WWOX: variants seen among roughly 807,000 people sequenced by gnomAD.
The protein encoded by WWOX is WW domain-containing oxidoreductase.
In WWOX, 69 loss-of-function variants were observed where a neutral mutation model predicts 46.2. The ratio of observed to expected loss-of-function variants is 1.49; its 90% CI spans 1.23 to 1.82. The LOEUF is 1.82. WWOX is among the 40% of genes most tolerant of loss of function. WWOX has a pLI of 0.00. For missense variants in WWOX, 919 were observed against 542.6 expected, an observed-to-expected ratio of 1.69 and a Z score of -6.89; for synonymous variants, 359 against 202.6, an observed-to-expected ratio of 1.77 and a Z score of -6.56.
chr16:78,858,174 A>C lies in WWOX; in HGVS notation c.1057-353434A>C, dbSNP rs1228458056. Among the ~76,000 whole-genome samples the C allele has an allele frequency of 1.5e-4, 11 of 72,374 alleles. No individual in the cohort carries two copies. The South Asian group carries it at 1.9e-3, about 13-fold the overall frequency. 47.5% of individuals were successfully genotyped at this position (72,374 alleles called of 152,430 possible). A position where few individuals can be genotyped will look rare whatever the true frequency, so the allele number is the denominator to read the frequency against. On this transcript the variant is annotated intron_variant, in intron 8 of 8. Transcript: ENST00000566780. ...TGTGTGTGTGTGTGTGTGTGTGTAT[A>C]AATTGGCTGTGCATGATATAAGTTT...
At chr16:78,621,150 C>T (rs2046170780) in intron 8 of WWOX, among the ~76,000 whole-genome samples, 1 of 152,090 alleles carries the variant, frequency 6.6e-6, no homozygotes, top group Non-Finnish European at 1.5e-5. Context: ...GTGCAGAAAC[C>T]AGATGGTTTT....
chr16:78,833,116 A>C (rs11643754), intron 8 of WWOX, among the ~76,000 whole-genome samples: 18,517 of 150,664 alleles, frequency 0.12, 1,167 homozygotes, highest in East Asian at 0.24. Context: ...ATCAGAGATC[A>C]CTGCAGCCTC....
At chr16:78,981,804 C>T (rs1274151667) in intron 8 of WWOX, 2 of 152,322 alleles carry the variant, frequency 1.3e-5, no homozygotes, top group East Asian at 1.9e-4. Context: ...CGAGGAGCAA[C>T]AGAGTGAGGT....
intron 8 of WWOX, among the ~76,000 whole-genome samples, chr16:79,190,493 C>T (rs768334715): frequency 4.6e-5 from 7 of 152,104 alleles, no homozygotes; most frequent in Non-Finnish European, 1.0e-4. Flanking sequence ...ACAGAGAGGC[C>T]CCAAGAGAGA....
intron 4 of WWOX, among the ~76,000 whole-genome samples, chr16:78,156,928 CTCAG>C (rs779245054): frequency 3.9e-5 from 6 of 152,162 alleles, no homozygotes; most frequent in Non-Finnish European, 7.3e-5. Context: ...GAGACTCTGT[CTCAG>C]TCAGTCAATC....
Position 78,382,554 on chromosome 16 carries a change from T to C in WWOX, c.517-4306T>C, listed in dbSNP as rs533926807. On this transcript the variant is annotated intron_variant, in intron 5 of 8. Coordinates refer to ENST00000566780, the MANE Select transcript of WWOX (RefSeq NM_016373.4). ...TTGATGCAGAGGATCTTGTGAGCCA[T>C]GCTAAGGAATTCAGCCCACGTCTTA... 1.3e-4 allele frequency among the ~76,000 whole-genome samples: 20 copies of C among 152,338 alleles called. No individual in the cohort carries two copies. In the South Asian group the frequency reaches 3.5e-3, roughly 27 times the overall value.
intron 8 of WWOX, among the ~76,000 whole-genome samples, chr16:79,108,581 A>T (rs558389615): frequency 6.6e-6 from 1 of 152,236 alleles, no homozygotes; most frequent in African/African-American, 2.4e-5. Flanking sequence ...GGCTATTTTC[A>T]TCATCAAGAA....
At chr16:78,797,651 TATG>T (rs1240872490) in intron 8 of WWOX, among the ~76,000 whole-genome samples, 2 of 152,144 alleles carry the variant, frequency 1.3e-5, no homozygotes, top group Non-Finnish European at 2.9e-5. Flanking sequence ...CTCAAGGAAC[TATG>T]ATAAGTAGCA....
chr16:79,101,067 A>T, intron 8 of WWOX: 1 of 152,808 alleles, frequency 6.5e-6, no homozygotes, highest in Non-Finnish European at 1.5e-5. Flanking sequence ...AGCAAAGACC[A>T]TTTACAGAAG....
intron 8 of WWOX, among the ~76,000 whole-genome samples, chr16:78,770,956 G>A (rs772633791): frequency 6.6e-6 from 1 of 152,228 alleles, no homozygotes; most frequent in Non-Finnish European, 1.5e-5. Flanking sequence ...ACTGTACAAG[G>A]AAGACCTCTC....
intron 8 of WWOX, among the ~76,000 whole-genome samples, chr16:78,848,887 G>A (rs181757674): frequency 4.6e-5 from 7 of 151,888 alleles, no homozygotes; most frequent in Admixed American, 4.6e-4. Context: ...ATTTAGCCCA[G>A]TTTTTATCCT....
intron 5 of WWOX, among the ~76,000 whole-genome samples, chr16:78,238,881 AG>A (rs1257573359): frequency 1.5e-5 from 2 of 137,860 alleles, no homozygotes; most frequent in Non-Finnish European, 3.2e-5. Context: ...GGCCTCCCAA[AG>A]TGCTGGGATT....
At chr16:78,170,494 C>G (rs1230705128) in intron 5 of WWOX, among the ~76,000 whole-genome samples, 1 of 152,166 alleles carries the variant, frequency 6.6e-6, no homozygotes, top group African/African-American at 2.4e-5. Context: ...GCTTACTTTT[C>G]TTAACCTCTC....
chr16:78,540,755 T>G (rs1233436153), intron 8 of WWOX, among the ~76,000 whole-genome samples: 1 of 152,062 alleles, frequency 6.6e-6, no homozygotes, highest in African/African-American at 2.4e-5. Context: ...GACATGATCA[T>G]AACTCATGGT....
intron 8 of WWOX, among the ~76,000 whole-genome samples, chr16:79,009,758 A>G (rs765037890): frequency 6.6e-6 from 1 of 152,038 alleles, no homozygotes; most frequent in Non-Finnish European, 1.5e-5. Context: ...GCACCCATCA[A>G]ATTTTCAAAG....
chr16:79,038,581 CTCTT>C (rs1273460562), intron 8 of WWOX, among the ~76,000 whole-genome samples: 1 of 152,118 alleles, frequency 6.6e-6, no homozygotes, highest in Non-Finnish European at 1.5e-5. Context: ...CAGAGTTTCT[CTCTT>C]GTCACACAGG....
chr16:78,567,428 C>T (rs2044597638), intron 8 of WWOX, among the ~76,000 whole-genome samples: 1 of 151,502 alleles, frequency 6.6e-6, no homozygotes, highest in Admixed American at 6.6e-5. Flanking sequence ...TGGCGGGTGC[C>T]TGTAGTCCCA....
intron 4 of WWOX, among the ~76,000 whole-genome samples, chr16:78,127,395 C>G (rs548814265): frequency 1.3e-5 from 2 of 151,910 alleles, no homozygotes; most frequent in African/African-American, 4.8e-5. Flanking sequence ...TGAATTTGTC[C>G]TAAAATGACC....
In WWOX at chr16:78,795,085, T is replaced by G. The variant is rs371382121; in HGVS notation, c.1056+362333T>G. ...GACGTTGGTGCTTAAGCATATCCTGTTTTCGAGGGTGGTGTTGGTGGTGGA... is the reference window on the plus strand; with the variant it reads ...GACGTTGGTGCTTAAGCATATCCTGGTTTCGAGGGTGGTGTTGGTGGTGGA... On this transcript the variant is annotated intron_variant, in intron 8 of 8. Coordinates refer to ENST00000566780, the MANE Select transcript of WWOX (RefSeq NM_016373.4). Among the ~76,000 whole-genome samples the G allele has an allele frequency of 1.4e-4, 21 of 152,278 alleles. No homozygotes were observed. The East Asian group carries it at 4.1e-3, about 29-fold the overall frequency.
Sources: gnomAD v4.1 joint callset for allele counts (sites outside exome capture counted in the v4.1 genomes callset) on GRCh38, gnomAD v4.1.1 for gene constraint, MANE v1.5 for transcripts, NCBI Gene and HGNC (gene_info 2026-07-23, HGNC 2026-07-21) for gene names.